DCAF5: variants seen among roughly 807,000 people sequenced by gnomAD.
The protein encoded by DCAF5 is DDB1- and CUL4-associated factor 5.
DCAF5 carries 9 observed loss-of-function variants against 80.7 expected under a neutral mutation model. That is an observed-to-expected ratio of 0.11 (90% CI 0.07 to 0.19). The LOEUF (loss-of-function observed/expected upper bound fraction) is 0.19, where lower values mean the gene tolerates loss of function less well. DCAF5 is among the 10% of genes least tolerant of loss of function. The probability of loss-of-function intolerance (pLI) is 1.00; values close to 1 mark genes in which losing one functional copy is unlikely to be tolerated. For synonymous variants in DCAF5, 433 were observed against 461.9 expected (o/e 0.94, Z 0.80); for missense variants, 842 against 1,205.7 (o/e 0.70, Z 4.47).
intron 5 of DCAF5, among the ~76,000 whole-genome samples, chr14:69,092,610 T>C (rs2039570887): frequency 6.6e-6 from 1 of 152,062 alleles, no homozygotes; most frequent in South Asian, 2.1e-4. Flanking sequence ...AGAACAAGAC[T>C]CCATCTCAAA....
chr14:69,076,289 GTA>G (rs2038896048), intron 6 of DCAF5, among the ~76,000 whole-genome samples: 1 of 152,098 alleles, frequency 6.6e-6, no homozygotes, highest in Non-Finnish European at 1.5e-5. Flanking sequence ...ACAATCCTAG[GTA>G]TATATCCAAG....
At chr14:69,061,326 C>A (rs916371936) in intron 8 of DCAF5, among the ~76,000 whole-genome samples, 6 of 152,124 alleles carry the variant, frequency 3.9e-5, no homozygotes, top group Non-Finnish European at 7.4e-5. Flanking sequence ...GCAGGAACAT[C>A]ACCTATTCTT....
chr14:69,091,639 A>G lies in DCAF5; in HGVS notation c.879+35T>C, dbSNP rs371394617. 3.2e-4 allele frequency: 506 copies of G among 1,573,972 alleles called. 2 individuals are homozygous for G. The South Asian group carries it at 5.2e-3, about 16-fold the overall frequency. ...AGAAAGAACAATCAGAAAGAAAAGC[A>G]TAAGTGTGAGATGCAGGAGGCAGAC... is the stretch of plus-strand genomic sequence containing the variant. On this transcript the variant is annotated intron_variant, in intron 6 of 8. Coordinates refer to ENST00000341516, the MANE Select transcript of DCAF5 (RefSeq NM_003861.3).
intron 8 of DCAF5, among the ~76,000 whole-genome samples, chr14:69,059,402 G>A (rs964480260): frequency 2.6e-5 from 4 of 152,192 alleles, no homozygotes; most frequent in Non-Finnish European, 4.4e-5. Context: ...ACCAGAATGT[G>A]GTGGCTAACG....
chr14:69,117,744 G>A (rs1326097613), intron 4 of DCAF5, among the ~76,000 whole-genome samples: 3 of 152,130 alleles, frequency 2.0e-5, no homozygotes, highest in African/African-American at 7.2e-5. Flanking sequence ...CCTATACACA[G>A]GTAATTTGAG....
intron 4 of DCAF5, 96 bp from the exon 5 acceptor site, chr14:69,116,591 T>G (rs1566769154): frequency 7.5e-6 from 11 of 1,457,682 alleles, no homozygotes; most frequent in Non-Finnish European, 1.0e-5. Flanking sequence ...GGAGCACTCT[T>G]TAATAACCAC....
chr14:69,086,932 C>A (rs2039350766), intron 6 of DCAF5, among the ~76,000 whole-genome samples: 1 of 152,180 alleles, frequency 6.6e-6, no homozygotes, highest in Admixed American at 6.5e-5. Flanking sequence ...CAGTGCTCAG[C>A]CTTTTCAAGA....
At chr14:69,142,362 T>C (rs1033480280) in intron 1 of DCAF5, among the ~76,000 whole-genome samples, 2 of 152,058 alleles carry the variant, frequency 1.3e-5, no homozygotes, top group Admixed American at 6.5e-5. Context: ...TCCCTAAATC[T>C]CTGATTTAAG....
At chr14:69,125,558 G>A (rs766866299) in intron 1 of DCAF5, among the ~76,000 whole-genome samples, 2 of 152,178 alleles carry the variant, frequency 1.3e-5, no homozygotes, top group Non-Finnish European at 2.9e-5. Context: ...GGAAATGTAC[G>A]TTATAATTTA....
At chr14:69,106,556 T>C (rs751488973) in intron 5 of DCAF5, among the ~76,000 whole-genome samples, 4 of 151,950 alleles carry the variant, frequency 2.6e-5, no homozygotes, top group Non-Finnish European at 5.9e-5. Flanking sequence ...AGAATACTTT[T>C]GTAGAGATAG....
chr14:69,101,968 T>TGATCA (rs1429615589), intron 5 of DCAF5, among the ~76,000 whole-genome samples: 3 of 152,084 alleles, frequency 2.0e-5, no homozygotes, highest in African/African-American at 7.2e-5. Context: ...AGTCTGTGAG[T>TGATCA]GAGTGATGAA....
intron 1 of DCAF5, among the ~76,000 whole-genome samples, chr14:69,134,495 C>T (rs1166528511): frequency 6.6e-6 from 1 of 152,202 alleles, no homozygotes; most frequent in African/African-American, 2.4e-5. Context: ...ACATTTACGA[C>T]CTCCTTAAGA....
In DCAF5 at chr14:69,094,439, T is replaced by G. The variant is rs575728448; in HGVS notation, c.666-2552A>C. ...TTGCCTATGCTTCTGGGCAGGGAACTCTGACCTCTCACACAAAGAAAGTAC... is the reference window on the plus strand; with the variant it reads ...TTGCCTATGCTTCTGGGCAGGGAACGCTGACCTCTCACACAAAGAAAGTAC... On this transcript the variant is annotated intron_variant, in intron 5 of 8. Coordinates refer to ENST00000341516, the MANE Select transcript of DCAF5 (RefSeq NM_003861.3). Among the ~76,000 whole-genome samples the G allele has an allele frequency of 3.7e-4, 57 of 152,314 alleles. 1 individual carries two copies. Among genetic ancestry groups the G allele is most frequent in the Admixed American group, 3.6e-3 (55 of 15,306 alleles).
intron 5 of DCAF5, among the ~76,000 whole-genome samples, chr14:69,101,989 G>C (rs148571608): frequency 4.9e-4 from 74 of 152,226 alleles, no homozygotes; most frequent in African/African-American, 1.8e-3. Context: ...TGAATGTGAA[G>C]GCCTAGGACA....
chr14:69,117,993 C>T, intron 4 of DCAF5, 146 bp downstream of exon 4: 1 of 1,171,574 alleles, frequency 8.5e-7, no homozygotes, highest in South Asian at 1.4e-5. Context: ...CTCCAAAGAC[C>T]TCTTATGCCC....
chr14:69,095,893 T>TG (rs1346118103), intron 5 of DCAF5, among the ~76,000 whole-genome samples: 1 of 152,168 alleles, frequency 6.6e-6, no homozygotes, highest in Non-Finnish European at 1.5e-5. Context: ...GTGGAATGCT[T>TG]GGGGTCGAGG....
At chr14:69,122,132 A>T in intron 2 of DCAF5, 85 bp downstream of exon 2, 1 of 1,500,764 alleles carries the variant, frequency 6.7e-7, no homozygotes, top group South Asian at 1.2e-5. Flanking sequence ...GAAATACAGG[A>T]AGAAAAATAA....
intron 7 of DCAF5, among the ~76,000 whole-genome samples, chr14:69,074,033 G>C (rs1160972062): frequency 6.6e-6 from 1 of 152,206 alleles, no homozygotes; most frequent in African/African-American, 2.4e-5. Flanking sequence ...AAGAGGAAAA[G>C]CCCTTTTGTA....
At chr14:69,123,057 AGC>A (rs1176793827) in intron 1 of DCAF5, among the ~76,000 whole-genome samples, 1 of 152,200 alleles carries the variant, frequency 6.6e-6, no homozygotes, top group East Asian at 1.9e-4. Flanking sequence ...AGCAAACCAT[AGC>A]AAGCTCTACA....
Sources: allele counts gnomAD v4.1 joint callset (sites outside exome capture counted in the v4.1 genomes callset), GRCh38; gene constraint gnomAD v4.1.1; transcripts MANE v1.5; gene names NCBI Gene and HGNC (gene_info 2026-07-23, HGNC 2026-07-21).